The following NRXN1 variants were observed in gnomAD, a reference collection of about 807,000 sequenced individuals.
NRXN1 encodes the protein neurexin-1.
NRXN1 carries 39 observed loss-of-function variants against 150.9 expected under a neutral mutation model. That is an observed-to-expected ratio of 0.26 (90% CI 0.20 to 0.34). NRXN1 has a LOEUF of 0.34. Ranked by LOEUF, NRXN1 falls within the 10% of genes least tolerant of loss-of-function variation. The pLI, the probability that NRXN1 is intolerant of heterozygous loss-of-function variation, is 1.00. For missense variants in NRXN1, 1,815 were observed against 1,949.9 expected (o/e 0.93, Z 1.30); for synonymous variants, 924 against 757.0 (o/e 1.22, Z -3.62).
intron 12 of NRXN1, among the ~76,000 whole-genome samples, chr2:50,510,875 T>A (rs2092427987): frequency 6.6e-6 from 1 of 152,112 alleles, no homozygotes; most frequent in East Asian, 1.9e-4. Context: ...AGGTCAGAAT[T>A]CAGCTCTACA....
chr2:49,947,627 G>A lies in NRXN1; in HGVS notation c.4129-3836C>T, dbSNP rs374283865. On this transcript the variant is annotated intron_variant, in intron 21 of 22. Coordinates refer to ENST00000401669, the MANE Select transcript of NRXN1 (RefSeq NM_001330078.2). The stretch of plus-strand genomic sequence containing the variant: ...TACTCCTACCTGAGCCTCCCGAAGT[G>A]CTGGGATTACAGGAATGAGCTACCA... Among the ~76,000 whole-genome samples the A allele has an allele frequency of 3.3e-5, 5 of 149,476 alleles. No individual in the cohort carries two copies. The South Asian group carries it at 1.1e-3, about 31-fold the overall frequency.
chr2:49,968,508 T>C (rs1462504703), intron 21 of NRXN1, among the ~76,000 whole-genome samples: 13 of 152,060 alleles, frequency 8.5e-5, no homozygotes, highest in Non-Finnish European at 1.5e-5. Flanking sequence ...TGAGACAAGC[T>C]ACTTGGGTCC....
intron 2 of NRXN1, among the ~76,000 whole-genome samples, chr2:50,975,824 A>G (rs1219240444): frequency 6.6e-6 from 1 of 151,970 alleles, no homozygotes; most frequent in Non-Finnish European, 1.5e-5. Context: ...TAGTGTGCAG[A>G]TTACATGGGA....
rs77482356 is a variant in NRXN1 at position 50,547,754 on chromosome 2, C to T, written c.1759+4833G>A. On this transcript the variant is annotated intron_variant, in intron 9 of 22. Transcript: ENST00000401669. The stretch of plus-strand genomic sequence containing the variant: ...ATCATGCCTGCACTTGGTATGGTTT[C>T]TCCTTTGCTAGCTTACTGCAGGATC... 6.3e-4 allele frequency among the ~76,000 whole-genome samples: 96 copies of T among 152,292 alleles called. 2 individuals are homozygous for T. In the East Asian group the frequency reaches 0.015, roughly 24 times the overall value.
intron 5 of NRXN1, among the ~76,000 whole-genome samples, chr2:50,743,477 G>A (rs925439662): frequency 2.6e-5 from 4 of 152,176 alleles, no homozygotes; most frequent in South Asian, 2.1e-4. Flanking sequence ...AGGGAAGTTG[G>A]GAGAATATCT....
At chr2:50,601,254 A>T (rs1221812520) in intron 8 of NRXN1, among the ~76,000 whole-genome samples, 1 of 152,186 alleles carries the variant, frequency 6.6e-6, no homozygotes, top group Non-Finnish European at 1.5e-5. Flanking sequence ...AATAAAAGTA[A>T]ATTAAATCAG....
intron 8 of NRXN1, among the ~76,000 whole-genome samples, chr2:50,593,386 T>C (rs980363131): frequency 1.3e-5 from 2 of 152,242 alleles, no homozygotes; most frequent in African/African-American, 4.8e-5. Context: ...TAAAGGGCAC[T>C]GAATTTACAA....
intron 5 of NRXN1, among the ~76,000 whole-genome samples, chr2:50,819,588 A>G (rs965465463): frequency 3.3e-5 from 5 of 152,076 alleles, no homozygotes; most frequent in African/African-American, 1.2e-4. Context: ...CAAGGTGAAA[A>G]AAGTTCTAGA....
At chr2:50,683,192 G>C (rs375701780) in intron 5 of NRXN1, among the ~76,000 whole-genome samples, 3 of 151,812 alleles carry the variant, frequency 2.0e-5, no homozygotes, top group Non-Finnish European at 4.4e-5. Flanking sequence ...TATTGCTGAC[G>C]GTATTTTAAT....
chr2:50,658,458 T>C (rs1461139047), intron 5 of NRXN1, among the ~76,000 whole-genome samples: 5 of 96,080 alleles, frequency 5.2e-5, no homozygotes, highest in African/African-American at 2.2e-4. Flanking sequence ...GGGGAGCAAT[T>C]ACATAATAGG....
chr2:49,977,229 A>G (rs1260592720), intron 21 of NRXN1, among the ~76,000 whole-genome samples: 1 of 152,150 alleles, frequency 6.6e-6, no homozygotes, highest in East Asian at 1.9e-4. Context: ...TTGGGGTTTT[A>G]CATAAAAGTG....
At chr2:50,714,174 T>C (rs1695561643) in intron 5 of NRXN1, among the ~76,000 whole-genome samples, 3 of 152,162 alleles carry the variant, frequency 2.0e-5, no homozygotes, top group African/African-American at 7.2e-5. Context: ...AGTAGCTAAA[T>C]CAACTTTAGT....
At chr2:50,216,452 T>C (rs965213201) in intron 18 of NRXN1, among the ~76,000 whole-genome samples, 4 of 152,054 alleles carry the variant, frequency 2.6e-5, no homozygotes, top group Non-Finnish European at 5.9e-5. Flanking sequence ...GCCATACCTC[T>C]GAAGTATTTA....
chr2:50,964,001 A>T (rs1444815658), intron 2 of NRXN1: 1 of 438,926 alleles, frequency 2.3e-6, no homozygotes, highest in South Asian at 1.6e-5. Flanking sequence ...TGAAAAATAG[A>T]GCAACATGCT....
chr2:50,355,012 C>T (rs971764627), intron 17 of NRXN1, among the ~76,000 whole-genome samples: 1 of 152,026 alleles, frequency 6.6e-6, no homozygotes, highest in Non-Finnish European at 1.5e-5. Context: ...CTTTGGTAAA[C>T]ACAGATACTC....
chr2:50,781,236 G>A (rs1233339037), intron 5 of NRXN1, among the ~76,000 whole-genome samples: 2 of 152,152 alleles, frequency 1.3e-5, no homozygotes, highest in African/African-American at 4.8e-5. Flanking sequence ...ATAATGGGCA[G>A]TAAATCTGAC....
intron 18 of NRXN1, among the ~76,000 whole-genome samples, chr2:50,182,111 CT>C (rs10653885): frequency 7.8e-4 from 108 of 138,706 alleles, no homozygotes; most frequent in Middle Eastern, 3.7e-3. Context: ...ATTCATTATC[CT>C]TTTTTTTTTT....
intron 5 of NRXN1, among the ~76,000 whole-genome samples, chr2:50,761,603 A>AT (rs1375732270): frequency 2.6e-5 from 4 of 151,862 alleles, no homozygotes; most frequent in Non-Finnish European, 5.9e-5. Context: ...AGACTAATCA[A>AT]TTTTTTGTGA....
intron 5 of NRXN1, among the ~76,000 whole-genome samples, chr2:50,821,508 T>C (rs1669713408): frequency 2.0e-5 from 3 of 152,120 alleles, no homozygotes; most frequent in African/African-American, 7.2e-5. Context: ...TTCATAAGAC[T>C]GTAGTGATTA....
Sources: gnomAD v4.1 joint callset for allele counts (sites outside exome capture counted in the v4.1 genomes callset) on GRCh38, gnomAD v4.1.1 for gene constraint, MANE v1.5 for transcripts, NCBI Gene and HGNC (gene_info 2026-07-23, HGNC 2026-07-21) for gene names.